The following UBXN8 variants were observed in gnomAD, a reference collection of about 807,000 sequenced individuals.
UBXN8 encodes the protein UBX domain-containing protein 8.
In UBXN8, 27 loss-of-function variants were observed where a neutral mutation model predicts 32.1. The observed-to-expected ratio is 0.84, with a 90% CI of 0.62 to 1.16. UBXN8 has a LOEUF of 1.16. Among genes scored for constraint, UBXN8 ranks in the 50% most tolerant of loss-of-function variants. UBXN8 has a pLI of 0.00. For missense variants in UBXN8, 306 were observed against 311.4 expected, an observed-to-expected ratio of 0.98 and a Z score of 0.13; for synonymous variants, 109 against 111.8, an observed-to-expected ratio of 0.98 and a Z score of 0.16.
chr8:30,737,418 A>C (rs6995536), intron 1 of UBXN8, among the ~76,000 whole-genome samples: 37,707 of 151,958 alleles, frequency 0.25, 5,296 homozygotes, highest in African/African-American at 0.39. Context: ...TTTCATCCAA[A>C]AACACCATCC....
chr8:30,754,723 T>G lies in UBXN8; in HGVS notation c.341T>G (p.Leu114Arg), dbSNP rs1807381638. 6.4e-7 allele frequency: 1 copy of G among 1,563,420 alleles called. No individual in the cohort carries two copies. Among genetic ancestry groups the G allele is most frequent in the Admixed American group, 2.2e-5 (1 of 45,706 alleles). ...KPHQEMKLRK[L>R]EERFYQMTGE... The stretch of plus-strand genomic sequence containing the variant: ...CACCAGGAAATGAAATTGAGAAAAC[T>G]GGAGGAGCGCTTTTATCAAATGACG... The change falls in exon 4 of 8, where the codon CTG (leucine) becomes CGG (arginine). Residue 114 changes from leucine to arginine, a missense_variant. Transcript: ENST00000265616.
chr8:30,740,712 T>C (rs376546921), upstream of UBXN8, among the ~76,000 whole-genome samples: 6 of 151,150 alleles, frequency 4.0e-5, no homozygotes, highest in African/African-American at 1.5e-4. Flanking sequence ...GTGACAAGAG[T>C]GAGACCCTTT....
intron 7 of UBXN8, among the ~76,000 whole-genome samples, chr8:30,764,740 C>T (rs1805950419): frequency 6.6e-6 from 1 of 152,128 alleles, no homozygotes; most frequent in South Asian, 2.1e-4. Flanking sequence ...GTTGGGAAAA[C>T]AGGGATTCTT....
chr8:30,744,031 C>T (rs1231203885), upstream of UBXN8: 10 of 657,938 alleles, frequency 1.5e-5, no homozygotes, highest in Admixed American at 2.2e-4. Flanking sequence ...CTTTAAAACA[C>T]GGGGCTTAGC....
intron 5 of UBXN8, among the ~76,000 whole-genome samples, chr8:30,760,443 A>ATATATATTTTT (rs1196366158): frequency 8.8e-5 from 8 of 91,118 alleles, no homozygotes; most frequent in East Asian, 3.0e-4. Flanking sequence ...ATATATATAT[A>ATATATATTTTT]TTTTTTTTTT....
intron 3 of UBXN8, chr8:30,754,256 C>G: frequency 2.9e-6 from 1 of 341,930 alleles, no homozygotes; most frequent in Non-Finnish European, 5.8e-6. Context: ...AAAACAAAAA[C>G]AAAGGATGTT....
chr8:30,729,199 G>A (rs542917693), upstream of UBXN8, among the ~76,000 whole-genome samples: 387 of 152,316 alleles, frequency 2.5e-3, 2 homozygotes, highest in Non-Finnish European at 2.4e-3. Flanking sequence ...CTTGAGCGAC[G>A]CGGATCCTGC....
intron 1 of UBXN8, among the ~76,000 whole-genome samples, chr8:30,735,311 A>T (rs1805047462): frequency 6.6e-6 from 1 of 152,236 alleles, no homozygotes; most frequent in Non-Finnish European, 1.5e-5. Flanking sequence ...CCTATTAACC[A>T]TTATTAGAAA....
At chr8:30,754,532 C>A in intron 3 of UBXN8, 133 bp from the exon 4 acceptor site, 1 of 1,265,370 alleles carries the variant, frequency 7.9e-7, no homozygotes, top group Non-Finnish European at 1.1e-6. Context: ...AACCAAGCAG[C>A]CAAACAGGGT....
intron 7 of UBXN8, among the ~76,000 whole-genome samples, chr8:30,763,852 A>G (rs1805928490): frequency 6.6e-6 from 1 of 152,086 alleles, no homozygotes; most frequent in South Asian, 2.1e-4. Context: ...TTAGCCGGGC[A>G]TGGTGGCGGA....
rs1805550731 is a variant in UBXN8 at position 30,752,853 on chromosome 8, C to CA, written c.212-178dup. 3.3e-5 allele frequency among the ~76,000 whole-genome samples: 5 copies of CA among 152,108 alleles called. No homozygotes were observed. In the South Asian group the frequency reaches 1.0e-3, roughly 31 times the overall value. Reference sequence around the variant, plus strand: ...ATAGCCCTTTCAAATTAACTGTGAACAAAACCATAATCCTAAAAGGTTATA... The same window carrying CA: ...ATAGCCCTTTCAAATTAACTGTGAACAAAAACCATAATCCTAAAAGGTTATA... On this transcript the variant is annotated intron_variant, in intron 2 of 7. Coordinates refer to ENST00000265616, the MANE Select transcript of UBXN8 (RefSeq NM_005671.4).
intron 1 of UBXN8, among the ~76,000 whole-genome samples, chr8:30,734,756 C>A (rs557571728): frequency 1.3e-5 from 2 of 152,154 alleles, no homozygotes; most frequent in South Asian, 4.2e-4. Flanking sequence ...CCAGCGTACG[C>A]AACATAGTAA....
chr8:30,764,930 G>A (rs1176427623), intron 7 of UBXN8, among the ~76,000 whole-genome samples: 9 of 152,004 alleles, frequency 5.9e-5, no homozygotes, highest in African/African-American at 2.2e-4. Context: ...CGTGCCTGTA[G>A]TCCCAGCTAC....
intron 1 of UBXN8, chr8:30,734,365 C>G (rs1426188288): frequency 6.6e-6 from 1 of 152,202 alleles, no homozygotes; most frequent in African/African-American, 2.4e-5. Context: ...CACTTGTAAT[C>G]CCAGCACTTT....
rs749572936 is a variant in UBXN8 at position 30,754,685 on chromosome 8, T to G, written c.303T>G (p.Asn101Lys). 1 of 1,558,020 alleles carries G rather than the reference T, an allele frequency of 6.4e-7. No homozygotes were observed. Among genetic ancestry groups the G allele is most frequent in the South Asian group, 1.3e-5 (1 of 79,994 alleles). Residue 101 changes from asparagine (N) to lysine (K), a missense_variant, in exon 4 of 8, where the codon AAT (asparagine) becomes AAG (lysine). Asn to Lys is a moderately conservative substitution (Grantham distance 94). Transcript: ENST00000265616. ...AACAGGCCAGCAGATACATAGAGAA[T>G]GTTTTAAAACCTCACCAGGAAATGA... ...QGEKASRYIE[N>K]VLKPHQEMKL...
At chr8:30,764,061 G>A (rs1184989017) in intron 7 of UBXN8, among the ~76,000 whole-genome samples, 1 of 152,236 alleles carries the variant, frequency 6.6e-6, no homozygotes, top group Non-Finnish European at 1.5e-5. Flanking sequence ...AAAGTAGAGC[G>A]AGAAAAAAAT....
At chr8:30,738,409 C>T (rs1200230801) in intron 1 of UBXN8, among the ~76,000 whole-genome samples, 1 of 152,120 alleles carries the variant, frequency 6.6e-6, no homozygotes, top group Non-Finnish European at 1.5e-5. Flanking sequence ...GCCTGTAATC[C>T]CAGCACTCGG....
At chr8:30,752,132 C>T (rs1017065954) in intron 2 of UBXN8, among the ~76,000 whole-genome samples, 5 of 152,140 alleles carry the variant, frequency 3.3e-5, no homozygotes, top group Admixed American at 6.6e-5. Flanking sequence ...CCTCGTGATC[C>T]GCCCACCTCG....
upstream of UBXN8, among the ~76,000 whole-genome samples, chr8:30,729,993 G>A (rs1054272573): frequency 2.6e-5 from 4 of 152,142 alleles, no homozygotes; most frequent in Non-Finnish European, 4.4e-5. Flanking sequence ...AGTTCTGTTC[G>A]ACCCAACATC....
Sources: allele counts gnomAD v4.1 joint callset (sites outside exome capture counted in the v4.1 genomes callset), GRCh38; gene constraint gnomAD v4.1.1; transcripts MANE v1.5; gene names NCBI Gene and HGNC (gene_info 2026-07-23, HGNC 2026-07-21).